The following CNTNAP2 variants were observed in gnomAD, a reference collection of about 807,000 sequenced individuals.
The protein encoded by CNTNAP2 is contactin associated protein 2.
In CNTNAP2, 98 loss-of-function variants were observed where a neutral mutation model predicts 155.2. That is an observed-to-expected ratio of 0.63 (90% CI 0.54 to 0.75). The LOEUF is 0.75. Among genes scored for constraint, CNTNAP2 ranks in the 30% least tolerant of loss-of-function variants. The pLI is 0.00. For synonymous variants in CNTNAP2, 651 were observed against 631.2 expected, an observed-to-expected ratio of 1.03 and a Z score of -0.47; for missense variants, 1,727 against 1,688.1, an observed-to-expected ratio of 1.02 and a Z score of -0.40.
intron 15 of CNTNAP2, among the ~76,000 whole-genome samples, chr7:148,050,060 G>C (rs751371146): frequency 2.6e-5 from 4 of 152,154 alleles, no homozygotes; most frequent in Non-Finnish European, 4.4e-5. Context: ...TACTCGGAAG[G>C]CTGAGGCAGA....
chr7:147,725,219 TA>T (rs34761432), intron 13 of CNTNAP2, among the ~76,000 whole-genome samples: 12,199 of 151,728 alleles, frequency 0.08, 1,200 homozygotes, highest in African/African-American at 0.23. Context: ...ATTTTGTACT[TA>T]AAAAAAAGAA....
At chr7:147,640,127 C>T (rs941126189) in intron 13 of CNTNAP2, among the ~76,000 whole-genome samples, 1 of 151,874 alleles carries the variant, frequency 6.6e-6, no homozygotes, top group Non-Finnish European at 1.5e-5. Flanking sequence ...CCTTAATTGA[C>T]AAAATTGTAT....
At position 147,395,457 on chromosome 7, in the gene CNTNAP2, A is replaced by G. The variant is rs190404912; in HGVS notation, c.1499-152A>G. 6.1e-4 allele frequency: 442 copies of G among 727,470 alleles called. 1 individual carries two copies. In the African/African-American group the frequency reaches 7.1e-3, roughly 12 times the overall value. The allele number at this position is 727,470 out of a possible 1,614,324, so 45.1% of individuals were successfully genotyped here. ...TGTAATAATCTCACTTTCTCAAAAA[A>G]CTTCCTTTTTCTACACTGAATATAA... On this transcript the variant is annotated intron_variant, in intron 9 of 23. Transcript: ENST00000361727.
At chr7:146,743,834 G>T (rs1801761454) in intron 1 of CNTNAP2, among the ~76,000 whole-genome samples, 1 of 152,102 alleles carries the variant, frequency 6.6e-6, no homozygotes, top group Non-Finnish European at 1.5e-5. Context: ...ATATTCACTT[G>T]TGGTAGTAAT....
intron 11 of CNTNAP2, among the ~76,000 whole-genome samples, chr7:147,532,658 G>T (rs1012794557): frequency 6.6e-5 from 10 of 152,274 alleles, no homozygotes; most frequent in African/African-American, 2.4e-4. Context: ...GGAAGAAAAA[G>T]GAAGTTTAAT....
intron 13 of CNTNAP2, among the ~76,000 whole-genome samples, chr7:147,881,778 C>A (rs192392935): frequency 6.6e-6 from 1 of 152,264 alleles, no homozygotes; most frequent in Non-Finnish European, 1.5e-5. Context: ...TGAGACCAGC[C>A]TGGCCAACAA....
intron 21 of CNTNAP2, among the ~76,000 whole-genome samples, chr7:148,279,386 A>T (rs1308418846): frequency 6.6e-6 from 1 of 152,182 alleles, no homozygotes; most frequent in Non-Finnish European, 1.5e-5. Flanking sequence ...GTATTTGGTG[A>T]TCAACCGGAT....
intron 12 of CNTNAP2, among the ~76,000 whole-genome samples, chr7:147,595,825 G>C (rs1800816887): frequency 6.6e-6 from 1 of 152,154 alleles, no homozygotes; most frequent in Non-Finnish European, 1.5e-5. Context: ...GATACACTGT[G>C]TCTAACTTAG....
chr7:146,713,704 C>T (rs1225351017), intron 1 of CNTNAP2, among the ~76,000 whole-genome samples: 1 of 152,074 alleles, frequency 6.6e-6, no homozygotes, highest in Non-Finnish European at 1.5e-5. Flanking sequence ...TTTCCCATTC[C>T]TGATCATCCT....
chr7:147,505,047 G>A (rs1213227197), intron 11 of CNTNAP2, among the ~76,000 whole-genome samples: 2 of 151,938 alleles, frequency 1.3e-5, no homozygotes, highest in African/African-American at 4.8e-5. Context: ...TAAAACACTA[G>A]TATGATATAC....
intron 21 of CNTNAP2, among the ~76,000 whole-genome samples, chr7:148,277,273 T>G (rs1796886035): frequency 6.6e-6 from 1 of 152,112 alleles, no homozygotes; most frequent in Non-Finnish European, 1.5e-5. Flanking sequence ...CCTTGGAGCT[T>G]AAATCTGTGG....
chr7:147,996,966 A>G (rs557858489), intron 15 of CNTNAP2, among the ~76,000 whole-genome samples: 1 of 152,256 alleles, frequency 6.6e-6, no homozygotes, highest in African/African-American at 2.4e-5. Flanking sequence ...GGCCACTCCC[A>G]TTAATGGGAT....
At chr7:147,083,880 A>G (rs555543221) in intron 4 of CNTNAP2, among the ~76,000 whole-genome samples, 76 of 133,822 alleles carry the variant, frequency 5.7e-4, no homozygotes, top group Middle Eastern at 0.011. Flanking sequence ...CATATTATAT[A>G]CATATACACA....
At chr7:148,184,552 T>C (rs1795088432) in intron 18 of CNTNAP2, among the ~76,000 whole-genome samples, 2 of 152,232 alleles carry the variant, frequency 1.3e-5, no homozygotes, top group Non-Finnish European at 2.9e-5. Context: ...CTAGCCCTTA[T>C]GTGAATCATT....
At chr7:147,689,704 T>C (rs545348259) in intron 13 of CNTNAP2, among the ~76,000 whole-genome samples, 7 of 152,268 alleles carry the variant, frequency 4.6e-5, no homozygotes, top group East Asian at 3.9e-4. Context: ...GAAGGTATGA[T>C]ACAGATAAAT....
chr7:146,832,648 C>G (rs1296757226), intron 2 of CNTNAP2, among the ~76,000 whole-genome samples: 1 of 148,144 alleles, frequency 6.8e-6, no homozygotes, highest in Non-Finnish European at 1.5e-5. Context: ...AATATATACA[C>G]TGTATAATTT....
intron 1 of CNTNAP2, among the ~76,000 whole-genome samples, chr7:146,278,135 T>C (rs1353657620): frequency 6.6e-6 from 1 of 152,164 alleles, no homozygotes; most frequent in Non-Finnish European, 1.5e-5. Flanking sequence ...ACAACTGATG[T>C]GCCTATAGTT....
intron 1 of CNTNAP2, among the ~76,000 whole-genome samples, chr7:146,389,670 A>C (rs1006329392): frequency 1.4e-5 from 2 of 144,340 alleles, no homozygotes; most frequent in African/African-American, 5.1e-5. Flanking sequence ...TCTCTGAGCC[A>C]TATTTCTTTT....
chr7:146,718,148 C>T (rs2129176549), intron 1 of CNTNAP2, among the ~76,000 whole-genome samples: 1 of 152,220 alleles, frequency 6.6e-6, no homozygotes, highest in Non-Finnish European at 1.5e-5. Context: ...ATTTTGTTTA[C>T]CATACGCATA....
Sources: allele counts gnomAD v4.1 joint callset (sites outside exome capture counted in the v4.1 genomes callset), GRCh38; gene constraint gnomAD v4.1.1; transcripts MANE v1.5; gene names NCBI Gene and HGNC (gene_info 2026-07-23, HGNC 2026-07-21).